The following PRIM2 variants were observed in gnomAD, a reference collection of about 807,000 sequenced individuals.
PRIM2 encodes DNA primase large subunit.
Under a neutral mutation model 67.3 loss-of-function variants are expected in PRIM2, and 39 were observed. The ratio of observed to expected loss-of-function variants is 0.58; its 90% CI spans 0.45 to 0.76. PRIM2 has a LOEUF of 0.76. Ranked by LOEUF, PRIM2 falls within the 30% of genes least tolerant of loss-of-function variation. The probability of loss-of-function intolerance (pLI) is 0.00; values close to 1 mark genes in which losing one functional copy is unlikely to be tolerated. For missense variants in PRIM2, 398 were observed against 598.7 expected (o/e 0.66, Z 3.50); for synonymous variants, 143 against 198.7 (o/e 0.72, Z 2.36).
intron 8 of PRIM2, among the ~76,000 whole-genome samples, chr6:57,531,652 T>C (rs1774894025): frequency 6.6e-6 from 1 of 152,140 alleles, no homozygotes; most frequent in Admixed American, 6.5e-5. Context: ...AAATTTATTA[T>C]AGGGAAGAGG....
chr6:57,388,220 G>C lies in PRIM2; in HGVS notation c.693+6052G>C, dbSNP rs1289970051. On this transcript the variant is annotated intron_variant, in intron 7 of 13. Coordinates refer to ENST00000615550, the MANE Select transcript of PRIM2 (RefSeq NM_000947.5). ...ATGATTTTGAATAAGTGAGTGATAT[G>C]ATCTGATTTATGTTTTAAATAGATG... is the stretch of plus-strand genomic sequence containing the variant. Among the ~76,000 whole-genome samples the C allele has an allele frequency of 2.0e-5, 3 of 152,256 alleles. No individual in the cohort carries two copies. In the East Asian group the frequency reaches 5.8e-4, roughly 29 times the overall value.
chr6:57,602,031 A>T (rs1204671952), intron 11 of PRIM2, among the ~76,000 whole-genome samples: 2 of 151,982 alleles, frequency 1.3e-5, no homozygotes, highest in African/African-American at 4.8e-5. Context: ...ATAGATAGAC[A>T]GATAAGATAG....
chr6:57,240,121 C>T, the PRIM2 span, among the ~76,000 whole-genome samples: 171 of 70,728 alleles, frequency 2.4e-3, no homozygotes, highest in African/African-American at 0.01. Flanking sequence ...TTTTTTGAGA[C>T]GGAGTTTTGC....
chr6:57,457,729 G>A (rs79160529), intron 7 of PRIM2, among the ~76,000 whole-genome samples: 50 of 152,258 alleles, frequency 3.3e-4, no homozygotes, highest in Middle Eastern at 3.4e-3. Flanking sequence ...GACCCCTTGC[G>A]CTTCCTGGGT....
chr6:57,287,898 C>T, the PRIM2 span, among the ~76,000 whole-genome samples: 2 of 152,040 alleles, frequency 1.3e-5, no homozygotes, highest in African/African-American at 2.4e-5. Context: ...AACTGAAGTA[C>T]GTGGTTCATC....
rs1159614314 is a variant in PRIM2 at position 57,324,221 on chromosome 6, T to C, written c.279T>C (p.Tyr93=). The C allele has an allele frequency of 6.2e-7, 1 of 1,601,456 alleles. No individual in the cohort carries two copies. Among genetic ancestry groups the C allele is most frequent in the Admixed American group, 1.7e-5 (1 of 59,226 alleles). Residue 93 remains tyrosine, a synonymous_variant, in exon 4 of 14, where the codon TAT becomes TAC. Coordinates refer to ENST00000615550, the MANE Select transcript of PRIM2 (RefSeq NM_000947.5). The part of the protein sequence containing the change: ...FSYRENLEDE[Y]EPRRRDHISH... ...TTAAGGAAAACTTAGAAGATGAATATGAACCACGAAGAAGAGATCATATTT... is the reference window on the plus strand; with the variant it reads ...TTAAGGAAAACTTAGAAGATGAATACGAACCACGAAGAAGAGATCATATTT...
the PRIM2 span, among the ~76,000 whole-genome samples, chr6:57,261,941 C>CTTAA: frequency 6.6e-5 from 10 of 152,220 alleles, no homozygotes; most frequent in Admixed American, 2.6e-4. Flanking sequence ...TTAATTCTGC[C>CTTAA]CACAGCTATG....
At chr6:57,257,498 C>G in the PRIM2 span, among the ~76,000 whole-genome samples, 10 of 152,102 alleles carry the variant, frequency 6.6e-5, no homozygotes, top group South Asian at 2.1e-3. Context: ...CTTGAACTCC[C>G]GACCTCAGGT....
chr6:57,502,449 G>T (rs1581956901), intron 7 of PRIM2, among the ~76,000 whole-genome samples: 1 of 152,280 alleles, frequency 6.6e-6, no homozygotes, highest in East Asian at 1.9e-4. Flanking sequence ...CATGTTCTCT[G>T]CTTCACTATC....
chr6:57,345,474 ATGTGTG>A (rs754685184), intron 5 of PRIM2, among the ~76,000 whole-genome samples: 1,869 of 124,652 alleles, frequency 0.015, 67 homozygotes, highest in African/African-American at 0.057. Flanking sequence ...ATATATATAT[ATGTGTG>A]TGTGTGTGTG....
chr6:57,554,853 G>T (rs1432898775), intron 10 of PRIM2, among the ~76,000 whole-genome samples: 29 of 152,162 alleles, frequency 1.9e-4, no homozygotes, highest in African/African-American at 5.8e-4. Flanking sequence ...AATTGCTAAG[G>T]AATGTGTTTT....
chr6:57,595,563 G>A (rs1306483029), intron 10 of PRIM2, among the ~76,000 whole-genome samples: 3 of 152,102 alleles, frequency 2.0e-5, no homozygotes, highest in Non-Finnish European at 2.9e-5. Context: ...CACAACTTCT[G>A]ACCAGTTTGG....
intron 7 of PRIM2, among the ~76,000 whole-genome samples, chr6:57,506,236 C>T (rs1554347223): frequency 2.0e-5 from 3 of 151,598 alleles, no homozygotes; most frequent in East Asian, 3.9e-4. Flanking sequence ...TAACTGTCGA[C>T]GTGTTGACTC....
At chr6:57,380,062 A>T (rs1769904291) in intron 6 of PRIM2, 66 bp downstream of exon 6, 1 of 1,316,866 alleles carries the variant, frequency 7.6e-7, no homozygotes, top group African/African-American at 1.5e-5. Context: ...TTATATACAT[A>T]TTTAATTAAT....
chr6:57,312,080 T>A (rs1767403909), upstream of PRIM2, among the ~76,000 whole-genome samples: 1 of 143,866 alleles, frequency 7.0e-6, no homozygotes, highest in Non-Finnish European at 1.5e-5. Flanking sequence ...GGGAGAGGGC[T>A]TTTCTACTGT....
chr6:57,231,863 A>AAAAAAAAC, the PRIM2 span, among the ~76,000 whole-genome samples: 1 of 151,056 alleles, frequency 6.6e-6, no homozygotes. Context: ...GGAAAAAAAA[A>AAAAAAAAC]AAACCACTAG....
At chr6:57,264,421 T>G in the PRIM2 span, among the ~76,000 whole-genome samples, 1 of 152,064 alleles carries the variant, frequency 6.6e-6, no homozygotes, top group East Asian at 1.9e-4. Context: ...TTTCTTCTCC[T>G]TTTCATTGTT....
chr6:57,362,258 G>A (rs577142202), intron 5 of PRIM2, among the ~76,000 whole-genome samples: 7 of 152,144 alleles, frequency 4.6e-5, no homozygotes, highest in Admixed American at 1.3e-4. Flanking sequence ...TGAAATATAC[G>A]ATAGAAATAT....
rs1292715520 is a variant in PRIM2, at chr6:57,556,145, G to A, written c.1020+18520G>A. Among the ~76,000 whole-genome samples the A allele has an allele frequency of 1.4e-3, 209 of 152,310 alleles. 3 individuals are homozygous for A. In the East Asian group the frequency reaches 0.019, roughly 14 times the overall value. ...AATACTGCTCAAAGAAATCAGAGAT[G>A]ACACAAACAAATGGAAAAACATCCC... On this transcript the variant is annotated intron_variant, in intron 10 of 13. Coordinates refer to ENST00000615550, the MANE Select transcript of PRIM2 (RefSeq NM_000947.5).
Sources: allele counts gnomAD v4.1 joint callset (sites outside exome capture counted in the v4.1 genomes callset), GRCh38; gene constraint gnomAD v4.1.1; transcripts MANE v1.5; gene names NCBI Gene and HGNC (gene_info 2026-07-23, HGNC 2026-07-21).